SLC4A3: variants seen among roughly 807,000 people sequenced by gnomAD.
SLC4A3 encodes the protein solute carrier family 4 member 3, also known as anion exchange protein 3.
SLC4A3 carries 47 observed loss-of-function variants against 114.2 expected under a neutral mutation model. The observed-to-expected ratio is 0.41, with a 90% CI of 0.33 to 0.52. The LOEUF (loss-of-function observed/expected upper bound fraction) is 0.52. Ranked by LOEUF, SLC4A3 falls within the 20% of genes least tolerant of loss-of-function variation. The pLI is 0.21. For synonymous variants in SLC4A3, 693 were observed against 710.3 expected, an observed-to-expected ratio of 0.98 and a Z score of 0.39; for missense variants, 1,312 against 1,668.3, an observed-to-expected ratio of 0.79 and a Z score of 3.72.
chr2:219,632,547 C>A, intron 8 of SLC4A3, 105 bp downstream of exon 8: 1 of 1,293,830 alleles, frequency 7.7e-7, no homozygotes, highest in Non-Finnish European at 1.0e-6. Flanking sequence ...CAGGCAAGAT[C>A]CAACTGCCAC....
rs779383193 is a variant in SLC4A3 at position 219,630,039 on chromosome 2, G to A, written c.612-114G>A. On this transcript the variant is annotated intron_variant, in intron 5 of 22. Coordinates refer to ENST00000358055, the MANE Select transcript of SLC4A3 (RefSeq NM_005070.4). The surrounding 1 kb of genome is among the most constrained non-coding windows in gnomAD (Gnocchi z 6.9). ...GTCAGCATCCTTTGCTGCCCAGGAG[G>A]GGCCTGGGTCTCATGCTCAGGGTCT... 3.9e-6 allele frequency: 6 copies of A among 1,519,598 alleles called. No individual in the cohort carries two copies. In the Admixed American group the frequency reaches 8.7e-5, roughly 22 times the overall value. 94.1% of individuals were successfully genotyped at this position (1,519,598 alleles called of 1,614,324 possible). A position where few individuals can be genotyped will look rare whatever the true frequency, so the allele number is the denominator to read the frequency against.
Position 219,631,383 on chromosome 2 carries a change from C to T in SLC4A3, c.812-585C>T, listed in dbSNP as rs1490190405. ...CCCGGAAGACTTAGAGATGTTTGTG[C>T]TGGACTTTGAGGATGGTGACCTGTG... is the stretch of plus-strand genomic sequence containing the variant. On this transcript the variant is annotated intron_variant, in intron 6 of 22. Coordinates refer to ENST00000358055, the MANE Select transcript of SLC4A3 (RefSeq NM_005070.4). The surrounding 1 kb of genome is among the most constrained non-coding windows in gnomAD (Gnocchi z 6.3). 2 of 1,304,166 alleles carry T rather than the reference C, an allele frequency of 1.5e-6. No individual in the cohort carries two copies. The highest frequency in any genetic ancestry group is 1.1e-4 in the East Asian group (2 of 18,040). The allele number at this position is 1,304,166 out of a possible 1,614,324, so 80.8% of individuals were successfully genotyped here.
chr2:219,636,823 C>T lies in SLC4A3; in HGVS notation c.2484C>T (p.Ala828=), dbSNP rs1008663973. The change falls in exon 16 of 23, where the codon GCC becomes GCT. Residue 828 remains alanine (A), a synonymous_variant. Coordinates refer to ENST00000358055, the MANE Select transcript of SLC4A3 (RefSeq NM_005070.4). The surrounding 1 kb of genome is among the most constrained non-coding windows in gnomAD (Gnocchi z 5.5). Reference sequence around the variant, plus strand: ...CGCCTTTCACCCAGGAGATCTTTGCCTTTCTCATCTCACTCATTTTCATCT... The same window carrying T: ...CGCCTTTCACCCAGGAGATCTTTGCTTTTCTCATCTCACTCATTTTCATCT... ...YISPFTQEIF[A]FLISLIFIYE... is the part of the protein sequence containing the mutation. 2.5e-6 allele frequency: 4 copies of T among 1,614,020 alleles called. No individual in the cohort carries two copies. The highest frequency in any genetic ancestry group is 3.4e-6 in the Non-Finnish European group (4 of 1,179,972).
chr2:219,630,408 C>T lies in SLC4A3; in HGVS notation c.811+56C>T, dbSNP rs185975254. On this transcript the variant is annotated intron_variant, in intron 6 of 22. Coordinates refer to ENST00000358055, the MANE Select transcript of SLC4A3 (RefSeq NM_005070.4). The surrounding 1 kb of genome is among the most constrained non-coding windows in gnomAD (Gnocchi z 6.9). ...TCCACTGCGACGGACTCCCAGCCTG[C>T]GAGTGACCTTGGAGAGGCTCTGAGC... 5.2e-6 allele frequency: 8 copies of T among 1,526,868 alleles called. No homozygotes were observed. Among genetic ancestry groups the T allele is most frequent in the Middle Eastern group, 1.9e-4 (1 of 5,322 alleles). The allele number at this position is 1,526,868 out of a possible 1,614,324, so 94.6% of individuals were successfully genotyped here.
At chr2:219,635,207 A>C in intron 12 of SLC4A3, 64 bp from the exon 13 acceptor site, 2 of 1,355,154 alleles carry the variant, frequency 1.5e-6, no homozygotes, top group Non-Finnish European at 2.1e-6. Context: ...CACCCGCCTC[A>C]AGTCTCCCTC....
chr2:219,631,848 G>T lies in SLC4A3; in HGVS notation c.812-120G>T, dbSNP rs1310119608. ...ACATGGGATTATGTGGTTCCCGTCG[G>T]CATGGCCTGTTGGTGACTGTAGAGC... On this transcript the variant is annotated intron_variant, in intron 6 of 22. Transcript: ENST00000358055. The surrounding 1 kb of genome is among the most constrained non-coding windows in gnomAD (Gnocchi z 6.3). 2 of 1,110,686 alleles carry T rather than the reference G, an allele frequency of 1.8e-6. No individual in the cohort carries two copies. Among genetic ancestry groups the T allele is most frequent in the South Asian group, 3.1e-5 (2 of 64,128 alleles). The allele number at this position is 1,110,686 out of a possible 1,614,324, so 68.8% of individuals were successfully genotyped here.
Position 219,631,273 on chromosome 2 carries a change from A to C in SLC4A3, c.812-695A>C. 1.5e-6 allele frequency: 2 copies of C among 1,292,900 alleles called. No homozygotes were observed. The highest frequency in any genetic ancestry group is 3.0e-5 in the African/African-American group (2 of 65,726). 80.1% of individuals were successfully genotyped at this position (1,292,900 alleles called of 1,614,324 possible). On this transcript the variant is annotated intron_variant, in intron 6 of 22. Coordinates refer to ENST00000358055, the MANE Select transcript of SLC4A3 (RefSeq NM_005070.4). This position sits in a 1 kb window ranked among gnomAD's most constrained non-coding sequence, Gnocchi z 6.3. ...CCACTGGAGAAGGACCCTGAGCCCA[A>C]TGGGGCACTGAGCCCTGGGCCTGGG... is the stretch of plus-strand genomic sequence containing the variant.
Position 219,638,292 on chromosome 2 carries a change from C to T in SLC4A3, c.2856+39C>T, listed in dbSNP as rs767536580. ...AGCCTGTGGCAGCTGCTGTCACCCCCAGGCCAGGAGAGGGAGCCCACAACA... is the reference window on the plus strand; with the variant it reads ...AGCCTGTGGCAGCTGCTGTCACCCCTAGGCCAGGAGAGGGAGCCCACAACA... On this transcript the variant is annotated intron_variant, in intron 18 of 22. Transcript: ENST00000358055. The surrounding 1 kb of genome is among the most constrained non-coding windows in gnomAD (Gnocchi z 7.5). The T allele has an allele frequency of 2.6e-5, 38 of 1,484,424 alleles. No homozygotes were observed. The African/African-American group carries it at 4.3e-4, about 17-fold the overall frequency. The allele number at this position is 1,484,424 out of a possible 1,614,324, so 92.0% of individuals were successfully genotyped here. A position where few individuals can be genotyped will look rare whatever the true frequency, so the allele number is the denominator to read the frequency against.
Position 219,633,397 on chromosome 2 carries a change from C to T in SLC4A3, c.1401C>T (p.Thr467=), listed in dbSNP as rs1574650307. 6.3e-7 allele frequency: 1 copy of T among 1,590,110 alleles called. No homozygotes were observed. Among genetic ancestry groups the T allele is most frequent in the Non-Finnish European group, 8.6e-7 (1 of 1,166,918 alleles). ...ATGGCCCTGATGGGGCGGTGCCTAC[C>T]ATGGCTGATGACCTGGGGGAGCCAG... ...PSHGPDGAVP[T]MADDLGEPAP... Residue 467 remains threonine (T), a synonymous_variant, in exon 10 of 23, where the codon ACC becomes ACT. Transcript: ENST00000358055.
rs765943542 is a variant in SLC4A3, at chr2:219,635,711, G to A, written c.2011G>A (p.Glu671Lys). The change falls in exon 14 of 23, where the codon GAA becomes AAA. Residue 671 changes from glutamate (E) to lysine (K), a missense_variant. Glu to Lys is a moderately conservative substitution (Grantham distance 56, BLOSUM62 1). This residue lies in a region of SLC4A3 where 771 missense variants were observed against 977.7 expected (regional missense o/e 0.79). Transcript: ENST00000358055. ...GTTGGGGGGCTCTGAGGCAACCCCTGAAGATGACCCCTTGCTGCGGACGGG... is the reference window on the plus strand; with the variant it reads ...GTTGGGGGGCTCTGAGGCAACCCCTAAAGATGACCCCTTGCTGCGGACGGG... Reference protein sequence around the residue: ...LELGGSEATPEDDPLLRTGSV... With the variant: ...LELGGSEATPKDDPLLRTGSV... 1 of 1,593,954 alleles carries A rather than the reference G, an allele frequency of 6.3e-7. No individual in the cohort carries two copies. The highest frequency in any genetic ancestry group is 8.5e-7 in the Non-Finnish European group (1 of 1,173,478).
Position 219,632,089 on chromosome 2 carries a change from G to A in SLC4A3, c.933G>A (p.Lys311=), listed in dbSNP as rs747691267. 56 of 1,613,646 alleles carry A rather than the reference G, an allele frequency of 3.5e-5. No individual in the cohort carries two copies. The highest frequency in any genetic ancestry group is 4.7e-5 in the Non-Finnish European group (55 of 1,179,954). The change falls in exon 7 of 23, where the codon AAG becomes AAA. Residue 311 remains lysine, a synonymous_variant. Transcript: ENST00000358055. ...CCATCCTTCGCAGGAAGAAGAAGAA[G>A]AAAAAGCTGGACCGGAGGCCTCATG... The part of the protein sequence containing the change: ...LAPILRRKKK[K]KKLDRRPHEV...
chr2:219,641,908 C>A lies in SLC4A3; in HGVS notation c.*180C>A. The stretch of plus-strand genomic sequence containing the variant: ...TCTGCCCGGGGTGTTGACCTCGCCT[C>A]ACCTTTCACAGACCAGACCGGCACA... On this transcript the variant is annotated 3_prime_UTR_variant, in exon 23 of 23. Transcript: ENST00000358055. This position sits in a 1 kb window ranked among gnomAD's most constrained non-coding sequence, Gnocchi z 4.0. 2 of 588,088 alleles carry A rather than the reference C, an allele frequency of 3.4e-6. No homozygotes were observed. The highest frequency in any genetic ancestry group is 6.1e-6 in the Non-Finnish European group (2 of 327,840). 36.4% of individuals were successfully genotyped at this position (588,088 alleles called of 1,614,324 possible).
rs562852134 is a variant in SLC4A3, at chr2:219,628,800, G to A, written c.217+230G>A. ...CAGACCAGGGGAGATCTAGGGAGCT[G>A]GGCCTGGGCCCTTCCACGGTGACCT... On this transcript the variant is annotated intron_variant, in intron 3 of 22. Transcript: ENST00000358055. This position sits in a 1 kb window ranked among gnomAD's most constrained non-coding sequence, Gnocchi z 4.8. 3.3e-5 allele frequency: 20 copies of A among 599,852 alleles called. No individual in the cohort carries two copies. The East Asian group carries it at 3.5e-4, about 10-fold the overall frequency. 37.2% of individuals were successfully genotyped at this position (599,852 alleles called of 1,614,324 possible). A position where few individuals can be genotyped will look rare whatever the true frequency, so the allele number is the denominator to read the frequency against.
chr2:219,636,810 A>G lies in SLC4A3; in HGVS notation c.2471A>G (p.Gln824Arg), dbSNP rs760888296. The change falls in exon 16 of 23, where the codon CAG (glutamine) becomes CGG (arginine). Residue 824 changes from glutamine to arginine, a missense_variant. By Grantham distance (43) the Gln-to-Arg change is conservative (BLOSUM62 1). This residue lies in a region of SLC4A3 where 771 missense variants were observed against 977.7 expected (regional missense o/e 0.79). Transcript: ENST00000358055. The surrounding 1 kb of genome is among the most constrained non-coding windows in gnomAD (Gnocchi z 5.5). The part of the protein sequence containing the change: ...FLVRYISPFT[Q>R]EIFAFLISLI... ...GTCCGCTACATCTCGCCTTTCACCCAGGAGATCTTTGCCTTTCTCATCTCA... is the reference window on the plus strand; with the variant it reads ...GTCCGCTACATCTCGCCTTTCACCCGGGAGATCTTTGCCTTTCTCATCTCA... The G allele has an allele frequency of 1.2e-6, 2 of 1,613,988 alleles. No homozygotes were observed. Among genetic ancestry groups the G allele is most frequent in the Non-Finnish European group, 1.7e-6 (2 of 1,179,972 alleles).
At position 219,634,492 on chromosome 2, in the gene SLC4A3, T is replaced by G; in HGVS notation, c.1634T>G (p.Val545Gly). The G allele has an allele frequency of 1.2e-6, 2 of 1,614,204 alleles. No individual in the cohort carries two copies. The highest frequency in any genetic ancestry group is 1.7e-6 in the Non-Finnish European group (2 of 1,180,030). ...AATGAGGCTGTACTCCTGGAGTCTG[T>G]GCTTGAGGTCCCTGTCCCGGTCCGC... ...RLNEAVLLES[V>G]LEVPVPVRFL... The change falls in exon 12 of 23, where the codon GTG becomes GGG. Residue 545 changes from valine to glycine, a missense_variant. Val to Gly is a moderately radical substitution (Grantham distance 109). Around this residue, in one of 4 missense-constraint regions of SLC4A3, gnomAD observed 771 missense variants for 977.7 expected, o/e 0.79. Transcript: ENST00000358055.
In SLC4A3 at chr2:219,639,385, G is replaced by A. The variant is rs895080347; in HGVS notation, c.3024-97G>A. On this transcript the variant is annotated intron_variant, in intron 19 of 22. Transcript: ENST00000358055. The surrounding 1 kb of genome is among the most constrained non-coding windows in gnomAD (Gnocchi z 5.9). ...TCCTAGGGAGAACTGTTGTCTGCAC[G>A]TCCTCCCCCCACCATCTCGTCTCTG... 1.9e-5 allele frequency: 27 copies of A among 1,427,644 alleles called. No homozygotes were observed. Among genetic ancestry groups the A allele is most frequent in the African/African-American group, 5.6e-5 (4 of 71,444 alleles). The allele number at this position is 1,427,644 out of a possible 1,614,324, so 88.4% of individuals were successfully genotyped here. A position where few individuals can be genotyped will look rare whatever the true frequency, so the allele number is the denominator to read the frequency against.
At chr2:219,640,303 C>A in intron 20 of SLC4A3, 127 bp from the exon 21 acceptor site, 1 of 1,007,572 alleles carries the variant, frequency 9.9e-7, no homozygotes, top group Non-Finnish European at 1.4e-6. Flanking sequence ...ATGTCGCCTC[C>A]CCCCAGGCCT....
At chr2:219,633,845 T>C in intron 10 of SLC4A3, 35 bp from the exon 11 acceptor site, 1 of 1,551,520 alleles carries the variant, frequency 6.4e-7, no homozygotes, top group Non-Finnish European at 8.7e-7. Context: ...GCCTCCGGTC[T>C]GGGTCCCAGC....
chr2:219,640,954 C>A lies in SLC4A3; in HGVS notation c.3613C>A (p.Leu1205Met). Residue 1205 changes from leucine (L) to methionine (M), a missense_variant, in exon 22 of 23, where the codon CTG becomes ATG. Coordinates refer to ENST00000358055, the MANE Select transcript of SLC4A3 (RefSeq NM_005070.4). ...LLPRLFQDRELQALDSEDAEP... is the reference protein window; with the variant it reads ...LLPRLFQDREMQALDSEDAEP... ...GCCCCGGCTCTTCCAGGACAGGGAG[C>A]TGCAGGCGGTAAGGGGGTGGTGGTC... is the stretch of plus-strand genomic sequence containing the variant. 6.2e-7 allele frequency: 1 copy of A among 1,605,736 alleles called. No homozygotes were observed. Among genetic ancestry groups the A allele is most frequent in the Non-Finnish European group, 8.5e-7 (1 of 1,179,902 alleles).
Sources: gnomAD v4.1 joint callset for allele counts on GRCh38, gnomAD v4.1.1 for gene constraint, gnomAD v4.1.1 regional missense constraint, Gnocchi (gnomAD v3.1) non-coding constraint, MANE v1.5 for transcripts, NCBI Gene and HGNC (gene_info 2026-07-23, HGNC 2026-07-21) for gene names.